The following STN1 variants were observed in gnomAD, a reference collection of about 807,000 sequenced individuals.
STN1 encodes STN1 subunit of CST complex.
Under a neutral mutation model 45.5 loss-of-function variants are expected in STN1, and 29 were observed. That is an observed-to-expected ratio of 0.64 (90% CI 0.47 to 0.87). The LOEUF is 0.87. STN1 is among the 40% of genes least tolerant of loss of function. The pLI is 0.00. For synonymous variants in STN1, 148 were observed against 159.0 expected (o/e 0.93, Z 0.52); for missense variants, 376 against 441.4 (o/e 0.85, Z 1.33).
At chr10:103,902,022 C>T (rs538624710) in intron 4 of STN1, among the ~76,000 whole-genome samples, 1 of 152,322 alleles carries the variant, frequency 6.6e-6, no homozygotes, top group Non-Finnish European at 1.5e-5. Flanking sequence ...AGATGATCTA[C>T]TCTCTGTATT....
At chr10:103,901,444 G>A (rs1311079381) in intron 4 of STN1, among the ~76,000 whole-genome samples, 1 of 152,000 alleles carries the variant, frequency 6.6e-6, no homozygotes, top group Non-Finnish European at 1.5e-5. Flanking sequence ...TCGGCATTTT[G>A]GCTACTGGAG....
In STN1 at chr10:103,897,553, C is replaced by A; in HGVS notation, c.748G>T (p.Asp250Tyr). The change falls in exon 7 of 10, where the codon GAC becomes TAC. Residue 250 changes from aspartate to tyrosine, a missense_variant. Asp to Tyr is a radical substitution (Grantham distance 160). Coordinates refer to ENST00000224950, the MANE Select transcript of STN1 (RefSeq NM_024928.5). ...CATGGGCATGCTGCACTCACTTGGTCGGAGGAGGCACTGTGAATCACAGGC... is the reference window on the plus strand; with the variant it reads ...CATGGGCATGCTGCACTCACTTGGTAGGAGGAGGCACTGTGAATCACAGGC... ...NQPVIHSASS[D>Y]QVNFKKDTTS... The A allele has an allele frequency of 1.2e-6, 2 of 1,613,830 alleles. No individual in the cohort carries two copies. Among genetic ancestry groups the A allele is most frequent in the South Asian group, 2.2e-5 (2 of 91,016 alleles).
chr10:103,905,976 A>C (rs2134370829), intron 3 of STN1, among the ~76,000 whole-genome samples: 1 of 152,294 alleles, frequency 6.6e-6, no homozygotes, highest in South Asian at 2.1e-4. Flanking sequence ...GAGGTTGCTA[A>C]GCATGGGGTC....
chr10:103,905,927 G>A (rs959947116), intron 3 of STN1, among the ~76,000 whole-genome samples: 2 of 152,068 alleles, frequency 1.3e-5, no homozygotes, highest in African/African-American at 4.8e-5. Flanking sequence ...GGAATAACAG[G>A]CATTTTCTCT....
At position 103,897,671 on chromosome 10, in the gene STN1, T is replaced by C; in HGVS notation, c.630A>G (p.Glu210=). Residue 210 remains glutamate, a synonymous_variant, in exon 7 of 10, where the codon GAA becomes GAG. Coordinates refer to ENST00000224950, the MANE Select transcript of STN1 (RefSeq NM_024928.5). ...TCTCCATGAGGAATTCTTTGGCTTT[T>C]TCACTCAGCAAACTCGTGAGACTGG... ...DLPSLTSLLS[E]KAKEFLMENR... 1 of 1,614,200 alleles carries C rather than the reference T, an allele frequency of 6.2e-7. No homozygotes were observed. Among genetic ancestry groups the C allele is most frequent in the South Asian group, 1.1e-5 (1 of 91,084 alleles).
intron 8 of STN1, among the ~76,000 whole-genome samples, chr10:103,889,398 G>A (rs1395279683): frequency 6.6e-6 from 1 of 152,014 alleles, no homozygotes; most frequent in Non-Finnish European, 1.5e-5. Flanking sequence ...ATACTTTTAA[G>A]GGACAACTTT....
intron 6 of STN1, 119 bp from the exon 7 acceptor site, chr10:103,897,838 T>C: frequency 1.1e-6 from 1 of 905,992 alleles, no homozygotes; most frequent in South Asian, 1.7e-5. Context: ...TTGTTTTTCA[T>C]ATACAGAGTA....
chr10:103,892,263 A>G lies in STN1; in HGVS notation c.754-11T>C, dbSNP rs1427544451. The G allele has an allele frequency of 1.9e-6, 3 of 1,582,192 alleles. No individual in the cohort carries two copies. In the East Asian group the frequency reaches 6.7e-5, roughly 35 times the overall value. On this transcript the variant is annotated splice_polypyrimidine_tract_variant and intron_variant, in intron 7 of 9. Coordinates refer to ENST00000224950, the MANE Select transcript of STN1 (RefSeq NM_024928.5). ...CTTCTTAAAATTCACCTGTAAAGAG[A>G]GGAAAAAGAAAAAAGAAAAGAAATA... is the stretch of plus-strand genomic sequence containing the variant.
intron 8 of STN1, among the ~76,000 whole-genome samples, chr10:103,890,297 C>G (rs957594695): frequency 1.3e-5 from 2 of 152,162 alleles, no homozygotes; most frequent in Non-Finnish European, 2.9e-5. Flanking sequence ...GAAGATTAAA[C>G]AAGGTCATGT....
intron 3 of STN1, among the ~76,000 whole-genome samples, chr10:103,906,196 A>C (rs1048973328): frequency 1.3e-5 from 2 of 152,202 alleles, no homozygotes; most frequent in Non-Finnish European, 1.5e-5. Context: ...TGAGAAGAAG[A>C]TATGGGTGAA....
At chr10:103,899,555 C>T (rs1357282834) in intron 5 of STN1, among the ~76,000 whole-genome samples, 3 of 152,038 alleles carry the variant, frequency 2.0e-5, no homozygotes, top group East Asian at 1.9e-4. Flanking sequence ...GGTGTGGTGG[C>T]GCATGCCTGT....
chr10:103,910,516 A>G lies in STN1; in HGVS notation c.229+11T>C, dbSNP rs1001866716. On this transcript the variant is annotated intron_variant, in intron 3 of 9. Transcript: ENST00000224950. ...CTACATCAACTTCATTTCAGACACA[A>G]TTGTTCTTACCTCCATAACTGTAGA... 4.5e-6 allele frequency: 7 copies of G among 1,564,472 alleles called. No individual in the cohort carries two copies. The highest frequency in any genetic ancestry group is 1.4e-5 in the African/African-American group (1 of 73,896).
chr10:103,908,157 C>T (rs1487204742), intron 3 of STN1, among the ~76,000 whole-genome samples: 4 of 151,692 alleles, frequency 2.6e-5, no homozygotes, highest in Non-Finnish European at 1.5e-5. Context: ...AGCACATGAA[C>T]ATTTGTCCTA....
rs1564633324 is a variant in STN1 at position 103,899,015 on chromosome 10, GA to G, written c.458-16del. 1 of 1,612,396 alleles carries G rather than the reference GA, an allele frequency of 6.2e-7. No homozygotes were observed. ...GTCCACTTTATCTAACAAGTGACCA[GA>G]AAAAAGATGCTACAGAAATTACAAA... On this transcript the variant is annotated splice_polypyrimidine_tract_variant and intron_variant, in intron 5 of 9. Coordinates refer to ENST00000224950, the MANE Select transcript of STN1 (RefSeq NM_024928.5).
At chr10:103,884,162 CTGAATCTG>C (rs878930978) in intron 9 of STN1, among the ~76,000 whole-genome samples, 10 of 149,596 alleles carry the variant, frequency 6.7e-5, no homozygotes, top group Admixed American at 6.7e-4. Flanking sequence ...TCAGAGAAAC[CTGAATCTG>C]TGCTCCCCAG....
chr10:103,916,604 G>A (rs1380475256), intron 2 of STN1, among the ~76,000 whole-genome samples: 1 of 152,130 alleles, frequency 6.6e-6, no homozygotes, highest in Non-Finnish European at 1.5e-5. Context: ...TATTCAGAAG[G>A]ACCTTGACTG....
chr10:103,907,794 G>C (rs10883948), intron 3 of STN1, among the ~76,000 whole-genome samples: 1 of 151,632 alleles, frequency 6.6e-6, no homozygotes, highest in South Asian at 2.1e-4. Flanking sequence ...TTCTCTGTAG[G>C]TGAAAAGCTT....
intron 2 of STN1, among the ~76,000 whole-genome samples, chr10:103,914,711 C>A (rs1843318018): frequency 6.6e-6 from 1 of 152,022 alleles, no homozygotes; most frequent in South Asian, 2.1e-4. Flanking sequence ...AGAACCCACA[C>A]AAATCTAAAT....
At chr10:103,913,446 G>C (rs1843304505) in intron 2 of STN1, among the ~76,000 whole-genome samples, 2 of 151,716 alleles carry the variant, frequency 1.3e-5, no homozygotes, top group South Asian at 4.2e-4. Flanking sequence ...GTTCCAAGTG[G>C]CTGATGAAAA....
Sources: allele counts gnomAD v4.1 joint callset (sites outside exome capture counted in the v4.1 genomes callset), GRCh38; gene constraint gnomAD v4.1.1; transcripts MANE v1.5; gene names NCBI Gene and HGNC (gene_info 2026-07-23, HGNC 2026-07-21).